Variants in ALDH1A1 observed in about 807,000 individuals in gnomAD.
ALDH1A1 encodes aldehyde dehydrogenase 1A1.
ALDH1A1 carries 19 observed loss-of-function variants against 62.1 expected under a neutral mutation model. The observed-to-expected ratio is 0.31, with a 90% confidence interval of 0.21 to 0.45. The LOEUF (loss-of-function observed/expected upper bound fraction) is 0.45, where lower values mean the gene tolerates loss of function less well. ALDH1A1 is among the 20% of genes least tolerant of loss of function. The pLI, the probability that ALDH1A1 is intolerant of heterozygous loss-of-function variation, is 1.00. For missense variants in ALDH1A1, 521 were observed against 607.1 expected (o/e 0.86, Z 1.49); for synonymous variants, 231 against 215.9 (o/e 1.07, Z -0.61).
At chr9:72,947,320 A>C (rs1032036759) in intron 1 of ALDH1A1, among the ~76,000 whole-genome samples, 7 of 151,990 alleles carry the variant, frequency 4.6e-5, no homozygotes, top group African/African-American at 7.2e-5. Flanking sequence ...AGAAACTGGA[A>C]GCTCTATTGT....
intron 11 of ALDH1A1, among the ~76,000 whole-genome samples, chr9:72,909,387 C>T (rs1829951154): frequency 6.6e-6 from 1 of 152,012 alleles, no homozygotes; most frequent in Non-Finnish European, 1.5e-5. Flanking sequence ...CTCCTGACCT[C>T]AGTCAGCTGA....
At position 72,909,670 on chromosome 9, in the gene ALDH1A1, T is replaced by C. The variant is rs757886082; in HGVS notation, c.1290A>G (p.Ala430=). The change falls in exon 11 of 13, where the codon GCA becomes GCG. Residue 430 remains alanine, a synonymous_variant. Coordinates refer to ENST00000297785, the MANE Select transcript of ALDH1A1 (RefSeq NM_000689.5). The part of the protein sequence containing the change: ...RANNTFYGLS[A]GVFTKDIDKA... The stretch of plus-strand genomic sequence containing the variant: ...TATCAATGTCTTTGGTAAACACTCC[T>C]GCTGATAAGCCATAGAAAGTATTGT... 6.2e-7 allele frequency: 1 copy of C among 1,614,028 alleles called. No homozygotes were observed. The highest frequency in any genetic ancestry group is 1.1e-5 in the South Asian group (1 of 91,080).
In ALDH1A1 at chr9:72,953,010, G is replaced by T; in HGVS notation, c.-10C>A. Reference sequence around the variant, plus strand: ...TGCCTGAGGATGACATTTCTGATTCGGCTCCTGGAACACAGGTGACTGGCT... The same window carrying T: ...TGCCTGAGGATGACATTTCTGATTCTGCTCCTGGAACACAGGTGACTGGCT... On this transcript the variant is annotated 5_prime_UTR_variant, in exon 1 of 13. Coordinates refer to ENST00000297785, the MANE Select transcript of ALDH1A1 (RefSeq NM_000689.5). The T allele has an allele frequency of 1.9e-6, 3 of 1,612,814 alleles. No homozygotes were observed. Among genetic ancestry groups the T allele is most frequent in the Non-Finnish European group, 2.5e-6 (3 of 1,179,242 alleles).
Position 72,901,167 on chromosome 9 carries a change from G to T in ALDH1A1, c.*41C>A. On this transcript the variant is annotated 3_prime_UTR_variant, in exon 13 of 13. Coordinates refer to ENST00000297785, the MANE Select transcript of ALDH1A1 (RefSeq NM_000689.5). ...ACTATATTAGTGACTGTAAGGAGAT[G>T]CTTAGCTATTGAAGAGCTTCTCTCC... is the stretch of plus-strand genomic sequence containing the variant. The T allele has an allele frequency of 1.4e-6, 2 of 1,440,694 alleles. No homozygotes were observed. Among genetic ancestry groups the T allele is most frequent in the Non-Finnish European group, 9.7e-7 (1 of 1,025,994 alleles). The allele number at this position is 1,440,694 out of a possible 1,614,324, so 89.2% of individuals were successfully genotyped here.
chr9:72,927,460 G>A (rs1830226494), intron 4 of ALDH1A1, among the ~76,000 whole-genome samples: 1 of 152,176 alleles, frequency 6.6e-6, no homozygotes. Context: ...ATTGAGTTAG[G>A]TGAAATCAAA....
At chr9:72,908,568 AAAGAAAGAAAG>A in intron 11 of ALDH1A1, among the ~76,000 whole-genome samples, 1 of 49,938 alleles carries the variant, frequency 2.0e-5, no homozygotes, top group Non-Finnish European at 5.0e-5. Flanking sequence ...AGAAAGAAAG[AAAGAAAGAAAG>A]AAAGAAAGAA....
At chr9:72,950,631 A>G (rs1269483629) in intron 1 of ALDH1A1, among the ~76,000 whole-genome samples, 1 of 151,814 alleles carries the variant, frequency 6.6e-6, no homozygotes, top group East Asian at 1.9e-4. Context: ...TAGCTTTTCT[A>G]TCGTAGTTGT....
At position 72,901,164 on chromosome 9, in the gene ALDH1A1, G is replaced by A; in HGVS notation, c.*44C>T. ...TCTACTATATTAGTGACTGTAAGGA[G>A]ATGCTTAGCTATTGAAGAGCTTCTC... is the stretch of plus-strand genomic sequence containing the variant. On this transcript the variant is annotated 3_prime_UTR_variant, in exon 13 of 13. Transcript: ENST00000297785. 1.4e-6 allele frequency: 2 copies of A among 1,427,956 alleles called. No individual in the cohort carries two copies. The highest frequency in any genetic ancestry group is 9.9e-7 in the Non-Finnish European group (1 of 1,015,012). 88.5% of individuals were successfully genotyped at this position (1,427,956 alleles called of 1,614,324 possible). A position where few individuals can be genotyped will look rare whatever the true frequency, so the allele number is the denominator to read the frequency against.
At position 72,924,131 on chromosome 9, in the gene ALDH1A1, G is replaced by A. The variant is rs1353879722; in HGVS notation, c.635C>T (p.Ala212Val). Residue 212 changes from alanine (A) to valine (V), a missense_variant and splice_region_variant, in exon 7 of 13, where the codon GCA (alanine) becomes GTA (valine). By Grantham distance (64) the Ala-to-Val change is moderately conservative (BLOSUM62 0). Coordinates refer to ENST00000297785, the MANE Select transcript of ALDH1A1 (RefSeq NM_000689.5). ...ALHVASLIKE[A>V]GFPPGVVNIV... ...ATTCACTACTCCAGGAGGAAACCCT[G>A]CCTAAAAGATAAAAAGTTTAAAAGT... is the stretch of plus-strand genomic sequence containing the variant. 2 of 1,594,542 alleles carry A rather than the reference G, an allele frequency of 1.3e-6. No individual in the cohort carries two copies. The highest frequency in any genetic ancestry group is 4.5e-5 in the East Asian group (2 of 44,480).
Position 72,929,033 on chromosome 9 carries a change from G to A in ALDH1A1, c.313-12C>T. On this transcript the variant is annotated splice_polypyrimidine_tract_variant and intron_variant, in intron 3 of 12. Coordinates refer to ENST00000297785, the MANE Select transcript of ALDH1A1 (RefSeq NM_000689.5). ...ATTGACTCCATTGTCTGAAAAACAT[G>A]TCAAACACCAAATCTAAAATTCCAT... The A allele has an allele frequency of 6.3e-7, 1 of 1,599,334 alleles. No homozygotes were observed. The highest frequency in any genetic ancestry group is 8.5e-7 in the Non-Finnish European group (1 of 1,175,868).
chr9:72,917,231 T>C (rs1830077732), intron 8 of ALDH1A1, 127 bp from the exon 9 acceptor site: 1 of 641,580 alleles, frequency 1.6e-6, no homozygotes, highest in African/African-American at 1.9e-5. Context: ...CTCAGTATAG[T>C]TTACCTCCTA....
At position 72,912,132 on chromosome 9, in the gene ALDH1A1, A is replaced by T. The variant is rs1564625021; in HGVS notation, c.1036-10T>A. The T allele has an allele frequency of 6.2e-7, 1 of 1,606,526 alleles. No individual in the cohort carries two copies. Among genetic ancestry groups the T allele is most frequent in the Admixed American group, 1.7e-5 (1 of 58,848 alleles). ...ATTGTTCCTTGTCAATCTATTTGAA[A>T]AATATCACATGAAAAGAAAAAAAGT... On this transcript the variant is annotated splice_polypyrimidine_tract_variant and intron_variant, in intron 9 of 12. Coordinates refer to ENST00000297785, the MANE Select transcript of ALDH1A1 (RefSeq NM_000689.5).
intron 5 of ALDH1A1, among the ~76,000 whole-genome samples, chr9:72,926,538 C>G (rs1040758628): frequency 5.9e-5 from 9 of 152,296 alleles, no homozygotes; most frequent in African/African-American, 2.2e-4. Context: ...AAAAAGGCTA[C>G]TTTCCTCTAA....
intron 6 of ALDH1A1, among the ~76,000 whole-genome samples, 198 bp from the exon 7 acceptor site, chr9:72,924,330 A>G (rs1830179337): frequency 6.6e-6 from 1 of 152,184 alleles, no homozygotes; most frequent in South Asian, 2.1e-4. Flanking sequence ...GGGTTGCATT[A>G]TTAAAGGACA....
At chr9:72,951,227 A>G (rs1458620715) in intron 1 of ALDH1A1, among the ~76,000 whole-genome samples, 1 of 151,898 alleles carries the variant, frequency 6.6e-6, no homozygotes, top group African/African-American at 2.4e-5. Context: ...AGTGACTTCG[A>G]AGTGAATAGG....
At position 72,952,957 on chromosome 9, in the gene ALDH1A1, T is replaced by C. The variant is rs146880290; in HGVS notation, c.44A>G (p.Asp15Gly). Reference sequence around the variant, plus strand: ...CACCTTAGTATATTGAATCTTCAAATCGGTGAGTAGGACAGGTAAGTCTGG... The same window carrying C: ...CACCTTAGTATATTGAATCTTCAAACCGGTGAGTAGGACAGGTAAGTCTGG... The part of the protein sequence containing the change: ...GTPDLPVLLT[D>G]LKIQYTKIFI... The change falls in exon 1 of 13, where the codon GAT becomes GGT. Residue 15 changes from aspartate to glycine, a missense_variant. Asp to Gly is a moderately conservative substitution (Grantham distance 94, BLOSUM62 -1). Transcript: ENST00000297785. The C allele has an allele frequency of 2.5e-6, 4 of 1,613,086 alleles. No homozygotes were observed. The East Asian group carries it at 8.9e-5, about 36-fold the overall frequency.
chr9:72,934,631 A>G (rs1830326525), intron 2 of ALDH1A1, among the ~76,000 whole-genome samples: 1 of 152,060 alleles, frequency 6.6e-6, no homozygotes, highest in Non-Finnish European at 1.5e-5. Flanking sequence ...TCTAAATCCT[A>G]TATATACTTT....
chr9:72,927,052 C>T, intron 5 of ALDH1A1, 64 bp downstream of exon 5: 2 of 1,164,808 alleles, frequency 1.7e-6, no homozygotes, highest in Non-Finnish European at 1.2e-6. Context: ...GAGAAAGCTT[C>T]ATCATTAGAT....
At chr9:72,941,448 T>C (rs1830412706) in intron 1 of ALDH1A1, among the ~76,000 whole-genome samples, 1 of 152,190 alleles carries the variant, frequency 6.6e-6, no homozygotes, top group African/African-American at 2.4e-5. Context: ...CTATATTCTG[T>C]GATTTATTAT....
Sources: gnomAD v4.1 joint callset for allele counts (sites outside exome capture counted in the v4.1 genomes callset) on GRCh38, gnomAD v4.1.1 for gene constraint, MANE v1.5 for transcripts, NCBI Gene and HGNC (gene_info 2026-07-23, HGNC 2026-07-21) for gene names.